The following ANKS1B variants were observed in gnomAD, a reference collection of about 807,000 sequenced individuals.
The protein encoded by ANKS1B is ankyrin repeat and sterile alpha motif domain containing 1B.
In ANKS1B, 36 loss-of-function variants were observed where a neutral mutation model predicts 148.3. The ratio of observed to expected loss-of-function variants is 0.24; its 90% confidence interval spans 0.19 to 0.32. The LOEUF is 0.32. ANKS1B is among the 10% of genes least tolerant of loss of function. ANKS1B has a pLI of 1.00. For synonymous variants in ANKS1B, 542 were observed against 560.8 expected, an observed-to-expected ratio of 0.97 and a Z score of 0.47; for missense variants, 1,157 against 1,542.6, an observed-to-expected ratio of 0.75 and a Z score of 4.19.
rs2094129575 is a variant in ANKS1B at position 99,393,083 on chromosome 12, A to G, written c.1756+6548T>C. On this transcript the variant is annotated intron_variant, in intron 12 of 26. Transcript: ENST00000683438. ...TATATGTAGATAGATTGATAGATCAATCGATAGACAGATGATAGATAGATA... is the reference window on the plus strand; with the variant it reads ...TATATGTAGATAGATTGATAGATCAGTCGATAGACAGATGATAGATAGATA... 2.7e-5 allele frequency among the ~76,000 whole-genome samples: 4 copies of G among 146,572 alleles called. No individual in the cohort carries two copies. In the South Asian group the frequency reaches 8.6e-4, roughly 32 times the overall value.
rs562812052 is a variant in ANKS1B, at chr12:99,137,657, A to AT, written c.2526+16631dup. The stretch of plus-strand genomic sequence containing the variant: ...TTGGTTTTATGTATTTCCTCTTTTC[A>AT]TTTTTTTTAAATGGTGTTATGTATT... On this transcript the variant is annotated intron_variant, in intron 15 of 26. Transcript: ENST00000683438. Among the ~76,000 whole-genome samples the AT allele has an allele frequency of 1.1e-3, 163 of 151,730 alleles. 1 individual carries two copies. The highest frequency in any genetic ancestry group is 3.6e-3 in the African/African-American group (148 of 41,334).
chr12:99,630,430 A>G (rs1196212493), intron 9 of ANKS1B, among the ~76,000 whole-genome samples: 1 of 152,120 alleles, frequency 6.6e-6, no homozygotes, highest in African/African-American at 2.4e-5. Flanking sequence ...CTTCTCTTAG[A>G]TATGATTGAA....
intron 20 of ANKS1B, among the ~76,000 whole-genome samples, chr12:98,802,388 C>T (rs1332262375): frequency 6.6e-6 from 1 of 152,078 alleles, no homozygotes; most frequent in Non-Finnish European, 1.5e-5. Context: ...AAGTTCTCTG[C>T]TTTATTAAAT....
chr12:99,085,798 G>C (rs935668573), intron 15 of ANKS1B, among the ~76,000 whole-genome samples: 1 of 152,164 alleles, frequency 6.6e-6, no homozygotes, highest in African/African-American at 2.4e-5. Flanking sequence ...TCGCTTATAA[G>C]TAGGAGCTAA....
At chr12:99,805,829 C>T (rs1353620935) in intron 4 of ANKS1B, among the ~76,000 whole-genome samples, 5 of 151,684 alleles carry the variant, frequency 3.3e-5, no homozygotes, top group Non-Finnish European at 7.4e-5. Flanking sequence ...TATGTATAAA[C>T]AGTACATTAC....
At chr12:99,177,263 T>C (rs1328851185) in intron 14 of ANKS1B, among the ~76,000 whole-genome samples, 4 of 152,250 alleles carry the variant, frequency 2.6e-5, no homozygotes. Context: ...TGTTTTTATA[T>C]TTCCTTTTCA....
chr12:99,577,313 A>T (rs1425883192), intron 9 of ANKS1B, among the ~76,000 whole-genome samples: 1 of 146,072 alleles, frequency 6.8e-6, no homozygotes, highest in African/African-American at 2.7e-5. Flanking sequence ...ATAAATAAAT[A>T]AATAAATAAA....
At chr12:99,050,931 T>C (rs12299027) in intron 17 of ANKS1B, among the ~76,000 whole-genome samples, 7 of 151,712 alleles carry the variant, frequency 4.6e-5, no homozygotes, top group African/African-American at 1.7e-4. Flanking sequence ...TCTCCTGATG[T>C]TGTGATCCGC....
At chr12:98,961,698 A>T (rs567106690) in intron 17 of ANKS1B, among the ~76,000 whole-genome samples, 6 of 152,278 alleles carry the variant, frequency 3.9e-5, no homozygotes, top group African/African-American at 1.4e-4. Flanking sequence ...AGAAATAGAC[A>T]GTACAATAAG....
intron 10 of ANKS1B, among the ~76,000 whole-genome samples, chr12:99,460,794 T>C (rs545735470): frequency 6.6e-4 from 100 of 152,034 alleles, no homozygotes; most frequent in African/African-American, 2.4e-3. Flanking sequence ...ACATTGTTGA[T>C]GGGAATGTAA....
At chr12:99,963,014 C>T (rs1403700587) in intron 1 of ANKS1B, among the ~76,000 whole-genome samples, 1 of 151,976 alleles carries the variant, frequency 6.6e-6, no homozygotes, top group Non-Finnish European at 1.5e-5. Flanking sequence ...GGGGTTTCAC[C>T]GTGTTAGCCA....
At chr12:99,637,028 G>A (rs570820444) in intron 9 of ANKS1B, among the ~76,000 whole-genome samples, 28 of 152,228 alleles carry the variant, frequency 1.8e-4, no homozygotes, top group East Asian at 5.8e-4. Flanking sequence ...GATGATGGCC[G>A]GGTGTGGTGG....
Position 98,758,543 on chromosome 12 carries a change from C to T in ANKS1B, c.3580-7021G>A, listed in dbSNP as rs1010276255. ...CAGCCTCCAGGCCGGGGGTGTACTTCGTGACTCCACAGAGACCATCAACAC... is the reference window on the plus strand; with the variant it reads ...CAGCCTCCAGGCCGGGGGTGTACTTTGTGACTCCACAGAGACCATCAACAC... On this transcript the variant is annotated intron_variant, in intron 25 of 26. Coordinates refer to ENST00000683438, the MANE Select transcript of ANKS1B (RefSeq NM_001352186.2). 5.3e-5 allele frequency among the ~76,000 whole-genome samples: 8 copies of T among 152,266 alleles called. No homozygotes were observed. In the East Asian group the frequency reaches 7.7e-4, roughly 15 times the overall value.
intron 1 of ANKS1B, among the ~76,000 whole-genome samples, chr12:99,839,691 A>G (rs2085400674): frequency 6.6e-6 from 1 of 152,138 alleles, no homozygotes; most frequent in Admixed American, 6.6e-5. Flanking sequence ...AACGCTATCA[A>G]ATGAGTACTA....
intron 11 of ANKS1B, among the ~76,000 whole-genome samples, chr12:99,437,096 T>A (rs2095473740): frequency 6.6e-6 from 1 of 152,028 alleles, no homozygotes; most frequent in Non-Finnish European, 1.5e-5. Flanking sequence ...ATGGGGTCTC[T>A]CCCAGTTCTG....
At chr12:98,852,139 C>G (rs1427096356) in intron 17 of ANKS1B, among the ~76,000 whole-genome samples, 1 of 151,068 alleles carries the variant, frequency 6.6e-6, no homozygotes, top group Non-Finnish European at 1.5e-5. Context: ...GAGGCACTGT[C>G]CACAGGCCAG....
intron 10 of ANKS1B, among the ~76,000 whole-genome samples, chr12:99,468,448 TTAAAC>T (rs1301620085): frequency 1.3e-5 from 2 of 152,132 alleles, no homozygotes; most frequent in Non-Finnish European, 2.9e-5. Flanking sequence ...TGGGATCTAA[TTAAAC>T]TAAAGAGCTT....
intron 14 of ANKS1B, among the ~76,000 whole-genome samples, chr12:99,215,339 A>C (rs1385874290): frequency 6.6e-6 from 1 of 152,206 alleles, no homozygotes. Context: ...TGGAAGGGAA[A>C]TGTGGGGTCA....
At position 98,746,232 on chromosome 12, in the gene ANKS1B, C is replaced by T. The variant is rs553634526; in HGVS notation, c.3748-383G>A. On this transcript the variant is annotated intron_variant, in intron 26 of 26. Coordinates refer to ENST00000683438, the MANE Select transcript of ANKS1B (RefSeq NM_001352186.2). ...GGCATGCCACTCCCCGGCTCTCACT[C>T]TCCAGTGGTTTCCATCACAGTCAGT... Among the ~76,000 whole-genome samples the T allele has an allele frequency of 1.1e-3, 163 of 152,294 alleles. 1 individual carries two copies. In the Middle Eastern group the frequency reaches 0.017, roughly 16 times the overall value.
Sources: allele counts gnomAD v4.1 joint callset (sites outside exome capture counted in the v4.1 genomes callset), GRCh38; gene constraint gnomAD v4.1.1; transcripts MANE v1.5; gene names NCBI Gene and HGNC (gene_info 2026-07-23, HGNC 2026-07-21).